SLC6A6: variants seen among roughly 807,000 people sequenced by gnomAD.
SLC6A6 encodes the protein sodium- and chloride-dependent taurine transporter.
In SLC6A6, 16 loss-of-function variants were observed where a neutral mutation model predicts 68.8. That is an observed-to-expected ratio of 0.23 (90% CI 0.16 to 0.35). SLC6A6 has a LOEUF of 0.35. SLC6A6 is among the 10% of genes least tolerant of loss of function. The pLI, the probability that SLC6A6 is intolerant of heterozygous loss-of-function variation, is 1.00. For missense variants in SLC6A6, 474 were observed against 802.8 expected, an observed-to-expected ratio of 0.59 and a Z score of 4.95; for synonymous variants, 312 against 315.4, an observed-to-expected ratio of 0.99 and a Z score of 0.12.
At chr3:14,421,103 G>A (rs111871306) in intron 2 of SLC6A6, among the ~76,000 whole-genome samples, 1 of 152,226 alleles carries the variant, frequency 6.6e-6, no homozygotes, top group African/African-American at 2.4e-5. Flanking sequence ...CCTGGGGCAT[G>A]GAGATGGAGG....
intron 2 of SLC6A6, among the ~76,000 whole-genome samples, chr3:14,419,954 A>AT (rs1371179273): frequency 6.6e-6 from 1 of 152,142 alleles, no homozygotes; most frequent in Non-Finnish European, 1.5e-5. Flanking sequence ...GTCTGCCCCC[A>AT]TGCCCCGCAC....
intron 9 of SLC6A6, among the ~76,000 whole-genome samples, chr3:14,471,264 G>A (rs1700747193): frequency 1.3e-5 from 2 of 151,818 alleles, no homozygotes; most frequent in South Asian, 4.1e-4. Flanking sequence ...GGAGACAGGA[G>A]GAGACATTTC....
At chr3:14,453,689 T>A (rs1700304114) in intron 5 of SLC6A6, among the ~76,000 whole-genome samples, 1 of 152,180 alleles carries the variant, frequency 6.6e-6, no homozygotes. Flanking sequence ...TGTACAATTA[T>A]AATATAAAAG....
chr3:14,417,407 CCCTTCACCTCAAT>C (rs1699384693), intron 2 of SLC6A6, among the ~76,000 whole-genome samples: 1 of 151,894 alleles, frequency 6.6e-6, no homozygotes, highest in Non-Finnish European at 1.5e-5. Context: ...GGCATGATGC[CCCTTCACCTCAAT>C]CCTTCAGGCC....
intron 2 of SLC6A6, among the ~76,000 whole-genome samples, chr3:14,437,166 T>C (rs920286153): frequency 6.6e-6 from 1 of 152,210 alleles, no homozygotes; most frequent in Non-Finnish European, 1.5e-5. Flanking sequence ...AAAATGTGCT[T>C]GTAGTCAGTG....
intron 2 of SLC6A6, among the ~76,000 whole-genome samples, chr3:14,432,363 T>G (rs1256977710): frequency 6.6e-6 from 1 of 152,212 alleles, no homozygotes; most frequent in East Asian, 1.9e-4. Context: ...GGCTGAGGGC[T>G]GGGCTGCTAG....
intron 2 of SLC6A6, among the ~76,000 whole-genome samples, chr3:14,427,569 C>T (rs375641206): frequency 2.1e-4 from 32 of 152,274 alleles, no homozygotes; most frequent in African/African-American, 5.3e-4. Flanking sequence ...GAGGGGTCCC[C>T]GGTGCCCAAG....
At chr3:14,436,164 C>CT (rs1244339175) in intron 2 of SLC6A6, among the ~76,000 whole-genome samples, 2 of 152,182 alleles carry the variant, frequency 1.3e-5, no homozygotes, top group Non-Finnish European at 2.9e-5. Context: ...AGCTACTCCA[C>CT]TTAGAGTGAT....
chr3:14,425,429 A>G (rs1476599781), intron 2 of SLC6A6, among the ~76,000 whole-genome samples: 1 of 151,934 alleles, frequency 6.6e-6, no homozygotes, highest in East Asian at 1.9e-4. Flanking sequence ...CTCCACACAC[A>G]TTGTCGGGAG....
chr3:14,470,562 G>A (rs1041198407), intron 9 of SLC6A6, among the ~76,000 whole-genome samples: 8 of 152,112 alleles, frequency 5.3e-5, no homozygotes, highest in African/African-American at 1.7e-4. Flanking sequence ...ATACAGAAAC[G>A]AGCGAATTGA....
chr3:14,458,392 C>G (rs1007877235), intron 6 of SLC6A6, among the ~76,000 whole-genome samples: 1 of 152,234 alleles, frequency 6.6e-6, no homozygotes, highest in South Asian at 2.1e-4. Context: ...TCCACCACAG[C>G]TTTCTCATCT....
Position 14,447,625 on chromosome 3 carries a change from C to G in SLC6A6, c.408C>G (p.Val136=). 4 of 1,614,224 alleles carry G rather than the reference C, an allele frequency of 2.5e-6. No homozygotes were observed. The highest frequency in any genetic ancestry group is 3.4e-6 in the Non-Finnish European group (4 of 1,180,012). The part of the protein sequence containing the change: ...ASVVIVSLLN[V]YYIVILAWAT... ...TTGTAATTGTGTCCCTCCTGAATGTCTACTACATCGTCATCCTGGCCTGGG... is the reference window on the plus strand; with the variant it reads ...TTGTAATTGTGTCCCTCCTGAATGTGTACTACATCGTCATCCTGGCCTGGG... The change falls in exon 5 of 15, where the codon GTC becomes GTG. Residue 136 remains valine, a synonymous_variant. Coordinates refer to ENST00000622186, the MANE Select transcript of SLC6A6 (RefSeq NM_003043.6).
At position 14,479,152 on chromosome 3, in the gene SLC6A6, C is replaced by T; in HGVS notation, c.1518C>T (p.Tyr506=). ...IGYRPGPWMK[Y]SWAVITPVLC... The stretch of plus-strand genomic sequence containing the variant: ...ATCGGCCCGGGCCCTGGATGAAGTA[C>T]AGCTGGGCTGTGATCACTCCAGTTC... Residue 506 remains tyrosine (Y), a synonymous_variant, in exon 13 of 15, where the codon TAC becomes TAT. Transcript: ENST00000622186. The T allele has an allele frequency of 6.2e-7, 1 of 1,612,892 alleles. No homozygotes were observed. Among genetic ancestry groups the T allele is most frequent in the South Asian group, 1.1e-5 (1 of 91,068 alleles).
intron 10 of SLC6A6, among the ~76,000 whole-genome samples, chr3:14,474,002 G>T (rs550595975): frequency 1.3e-5 from 2 of 152,188 alleles, no homozygotes; most frequent in African/African-American, 4.8e-5. Context: ...GGGAGGCCCC[G>T]TGTCAGTGGC....
At chr3:14,407,287 C>T (rs940796358) in intron 1 of SLC6A6, among the ~76,000 whole-genome samples, 24 of 151,978 alleles carry the variant, frequency 1.6e-4, no homozygotes, top group Admixed American at 9.8e-4. Context: ...TGAGCTCAAG[C>T]GATCCTCCCA....
intron 6 of SLC6A6, among the ~76,000 whole-genome samples, chr3:14,459,315 G>A (rs1700442273): frequency 6.6e-6 from 1 of 152,220 alleles, no homozygotes; most frequent in African/African-American, 2.4e-5. Context: ...TGAGGGTTGA[G>A]GAATGTGTCT....
In SLC6A6 at chr3:14,467,891, T is replaced by C. The variant is rs1228634103; in HGVS notation, c.906T>C (p.Tyr302=). 6 of 1,613,686 alleles carry C rather than the reference T, an allele frequency of 3.7e-6. No homozygotes were observed. In the South Asian group the frequency reaches 6.6e-5, roughly 18 times the overall value. ...CTGGGACTCAGATATTCTTCTCTTA[T>C]GCCATCTGCCTGGGGGCTATGACCT... ...IDAGTQIFFS[Y]AICLGAMTSL... The change falls in exon 8 of 15, where the codon TAT becomes TAC. Residue 302 remains tyrosine, a synonymous_variant. Transcript: ENST00000622186.
chr3:14,410,606 T>C (rs1297174544), intron 1 of SLC6A6, among the ~76,000 whole-genome samples: 1 of 152,176 alleles, frequency 6.6e-6, no homozygotes, highest in East Asian at 1.9e-4. Context: ...TCAGCAGGTA[T>C]CTGAGCAGGC....
chr3:14,437,085 C>G (rs9871159), intron 2 of SLC6A6, among the ~76,000 whole-genome samples: 40,497 of 152,116 alleles, frequency 0.27, 5,427 homozygotes, highest in South Asian at 0.32. Context: ...CAAGTGACTT[C>G]ACATCTCTGT....
Sources: gnomAD v4.1 joint callset for allele counts (sites outside exome capture counted in the v4.1 genomes callset) on GRCh38, gnomAD v4.1.1 for gene constraint, MANE v1.5 for transcripts, NCBI Gene and HGNC (gene_info 2026-07-23, HGNC 2026-07-21) for gene names.